PTPRZ1: variants seen among roughly 807,000 people sequenced by gnomAD.
The protein encoded by PTPRZ1 is protein tyrosine phosphatase receptor type Z1, also known as receptor-type tyrosine-protein phosphatase zeta.
PTPRZ1 carries 82 observed loss-of-function variants against 214.1 expected under a neutral mutation model. The ratio of observed to expected loss-of-function variants is 0.38; its 90% CI spans 0.32 to 0.46. The LOEUF (loss-of-function observed/expected upper bound fraction) is 0.46. PTPRZ1 is among the 20% of genes least tolerant of loss of function. The pLI is 1.00. For synonymous variants in PTPRZ1, 945 were observed against 987.9 expected (o/e 0.96, Z 0.81); for missense variants, 2,603 against 2,748.7 (o/e 0.95, Z 1.19).
chr7:121,985,583 T>A (rs914512485), intron 8 of PTPRZ1, among the ~76,000 whole-genome samples: 1 of 152,200 alleles, frequency 6.6e-6, no homozygotes, highest in Non-Finnish European at 1.5e-5. Flanking sequence ...ACATTTGGCT[T>A]CCCCATTGAT....
intron 1 of PTPRZ1, among the ~76,000 whole-genome samples, chr7:121,875,288 A>G (rs1794020064): frequency 6.6e-6 from 1 of 152,184 alleles, no homozygotes; most frequent in African/African-American, 2.4e-5. Context: ...TTTCATATAA[A>G]TAGAATCATG....
intron 8 of PTPRZ1, among the ~76,000 whole-genome samples, chr7:121,995,612 T>A (rs1370078013): frequency 1.3e-5 from 2 of 152,206 alleles, no homozygotes; most frequent in Non-Finnish European, 1.5e-5. Flanking sequence ...AATACTACTT[T>A]TTCAGATGAG....
chr7:121,937,101 C>T (rs1279694504), intron 2 of PTPRZ1, among the ~76,000 whole-genome samples: 2 of 152,194 alleles, frequency 1.3e-5, no homozygotes, highest in Non-Finnish European at 2.9e-5. Context: ...CTTCTAACTA[C>T]CACAGAATAT....
intron 20 of PTPRZ1, among the ~76,000 whole-genome samples, chr7:122,040,486 A>G (rs1340102577): frequency 6.6e-6 from 1 of 152,160 alleles, no homozygotes; most frequent in Non-Finnish European, 1.5e-5. Flanking sequence ...AATGGAGCTC[A>G]CCCACATTAT....
At chr7:122,052,023 C>A in intron 25 of PTPRZ1, 84 bp downstream of exon 25, 1 of 1,034,910 alleles carries the variant, frequency 9.7e-7, no homozygotes, top group Non-Finnish European at 1.4e-6. Context: ...GCAAAGACTA[C>A]AGGCATGGGC....
At chr7:122,058,733 T>C (rs1178835115) in intron 27 of PTPRZ1, 67 bp from the exon 28 acceptor site, 1 of 1,408,106 alleles carries the variant, frequency 7.1e-7, no homozygotes, top group East Asian at 2.3e-5. Flanking sequence ...ATTCCTGATT[T>C]TCCTCAATGA....
At chr7:122,016,720 T>C (rs1798853081) in intron 12 of PTPRZ1, among the ~76,000 whole-genome samples, 1 of 151,728 alleles carries the variant, frequency 6.6e-6, no homozygotes, top group South Asian at 2.1e-4. Flanking sequence ...ATAGGACATA[T>C]CTCATATATA....
rs532369035 is a variant in PTPRZ1 at position 122,012,087 on chromosome 7, C to T, written c.3041C>T (p.Thr1014Ile). ...EFLLPDTDGL[T>I]ALNISSPVSV... ...CTTTTACCTGACACAGATGGGCTGA[C>T]AGCCCTTAACATTTCTTCACCTGTT... Residue 1014 changes from threonine to isoleucine, a missense_variant, in exon 12 of 30, where the codon ACA (threonine) becomes ATA (isoleucine). By Grantham distance (89) the Thr-to-Ile change is moderately conservative. Coordinates refer to ENST00000393386, the MANE Select transcript of PTPRZ1 (RefSeq NM_002851.3). 1 of 1,614,138 alleles carries T rather than the reference C, an allele frequency of 6.2e-7. No homozygotes were observed. Among genetic ancestry groups the T allele is most frequent in the African/African-American group, 1.3e-5 (1 of 75,060 alleles).
intron 11 of PTPRZ1, among the ~76,000 whole-genome samples, chr7:122,005,810 C>T (rs2116639078): frequency 6.6e-6 from 1 of 152,110 alleles, no homozygotes; most frequent in East Asian, 1.9e-4. Flanking sequence ...TGTTTAAGTT[C>T]TGTCTTTTAT....
chr7:121,972,841 A>G, intron 4 of PTPRZ1, 149 bp downstream of exon 4: 1 of 673,700 alleles, frequency 1.5e-6, no homozygotes, highest in Non-Finnish European at 2.1e-6. Context: ...ACTAAGCTAA[A>G]TTAATGTAAG....
chr7:122,032,402 A>G (rs976549700), intron 15 of PTPRZ1, among the ~76,000 whole-genome samples: 3 of 152,120 alleles, frequency 2.0e-5, no homozygotes, highest in African/African-American at 4.8e-5. Context: ...ATTCAAACCT[A>G]AGTCTGTGAT....
At chr7:121,960,524 A>G (rs993824900) in intron 2 of PTPRZ1, among the ~76,000 whole-genome samples, 5 of 152,320 alleles carry the variant, frequency 3.3e-5, no homozygotes, top group African/African-American at 1.2e-4. Context: ...CAACATTGAG[A>G]TTTTTATTAT....
At chr7:121,934,990 A>G (rs1340144027) in intron 2 of PTPRZ1, among the ~76,000 whole-genome samples, 1 of 152,178 alleles carries the variant, frequency 6.6e-6, no homozygotes, top group Non-Finnish European at 1.5e-5. Context: ...CAAAACAGAT[A>G]AGGATGTGAG....
chr7:121,974,156 G>C (rs1397154623), intron 4 of PTPRZ1, among the ~76,000 whole-genome samples: 2 of 151,756 alleles, frequency 1.3e-5, no homozygotes, highest in African/African-American at 2.4e-5. Flanking sequence ...AGACTAAAAA[G>C]CTTTTTTTAA....
intron 29 of PTPRZ1, among the ~76,000 whole-genome samples, 194 bp from the exon 30 acceptor site, chr7:122,060,886 T>C (rs1400876422): frequency 2.0e-5 from 3 of 152,194 alleles, no homozygotes; most frequent in African/African-American, 7.2e-5. Flanking sequence ...GTGAATGGTC[T>C]GCCGATTGCA....
At position 122,019,230 on chromosome 7, in the gene PTPRZ1, C is replaced by A; in HGVS notation, c.4950C>A (p.Ile1650=). The change falls in exon 13 of 30, where the codon ATC becomes ATA. Residue 1650 remains isoleucine (I), a synonymous_variant. Coordinates refer to ENST00000393386, the MANE Select transcript of PTPRZ1 (RefSeq NM_002851.3). ...PLVIVSALTF[I]CLVVLVGILI... ...TGATCGTGTCAGCCCTGACTTTTAT[C>A]TGTCTAGTGGTTCTTGTGGGTATTC... is the stretch of plus-strand genomic sequence containing the variant. The A allele has an allele frequency of 6.2e-7, 1 of 1,612,944 alleles. No individual in the cohort carries two copies. The highest frequency in any genetic ancestry group is 8.5e-7 in the Non-Finnish European group (1 of 1,179,020).
chr7:122,049,581 C>T (rs1323456561), intron 23 of PTPRZ1, among the ~76,000 whole-genome samples: 1 of 151,920 alleles, frequency 6.6e-6, no homozygotes, highest in African/African-American at 2.4e-5. Flanking sequence ...TTCATCATCT[C>T]AAAAAAGACA....
chr7:121,953,871 G>A (rs1201721055), intron 2 of PTPRZ1, among the ~76,000 whole-genome samples: 3 of 152,118 alleles, frequency 2.0e-5, no homozygotes, highest in East Asian at 1.9e-4. Context: ...TACAATGGCC[G>A]TAAAGGATGA....
At chr7:121,978,325 C>T (rs759604356) in intron 6 of PTPRZ1, among the ~76,000 whole-genome samples, 3 of 152,030 alleles carry the variant, frequency 2.0e-5, no homozygotes, top group Admixed American at 6.6e-5. Flanking sequence ...TGTCTCTCTA[C>T]CTCACTTGTA....
Sources: gnomAD v4.1 joint callset for allele counts (sites outside exome capture counted in the v4.1 genomes callset) on GRCh38, gnomAD v4.1.1 for gene constraint, MANE v1.5 for transcripts, NCBI Gene and HGNC (gene_info 2026-07-23, HGNC 2026-07-21) for gene names.